NXPE4: variants seen among roughly 807,000 people sequenced by gnomAD.
The protein encoded by NXPE4 is NXPE family member 4.
NXPE4 carries 42 observed loss-of-function variants against 33.3 expected under a neutral mutation model. That is an observed-to-expected ratio of 1.26 (90% CI 0.98 to 1.63). The LOEUF (loss-of-function observed/expected upper bound fraction) is 1.63, where lower values mean the gene tolerates loss of function less well. Ranked by LOEUF, NXPE4 falls within the 40% of genes most tolerant of loss-of-function variation. NXPE4 has a pLI of 0.00. For missense variants in NXPE4, 709 were observed against 647.6 expected (o/e 1.09, Z -1.03); for synonymous variants, 253 against 234.9 (o/e 1.08, Z -0.71).
At chr11:114,575,925 G>T (rs1223668595) in intron 5 of NXPE4, among the ~76,000 whole-genome samples, 3 of 152,054 alleles carry the variant, frequency 2.0e-5, no homozygotes, top group African/African-American at 7.2e-5. Flanking sequence ...AAATCTGGAG[G>T]CATAACATTA....
the NXPE4 span, among the ~76,000 whole-genome samples, chr11:114,607,900 C>T: frequency 0.049 from 7,404 of 151,982 alleles, 596 homozygotes; most frequent in African/African-American, 0.17. Flanking sequence ...TCGTGGGTAA[C>T]CACAGTTACC....
upstream of NXPE4, among the ~76,000 whole-genome samples, chr11:114,598,668 T>C (rs1427179311): frequency 2.0e-5 from 3 of 152,058 alleles, no homozygotes; most frequent in Non-Finnish European, 1.5e-5. Context: ...CCTGGGCCTC[T>C]TTGAGCCATG....
the NXPE4 span, among the ~76,000 whole-genome samples, chr11:114,633,959 G>A: frequency 3.3e-5 from 5 of 152,050 alleles, no homozygotes; most frequent in South Asian, 2.1e-4. Context: ...ATGATTTATA[G>A]CCCTTTGGGT....
At chr11:114,621,694 C>G in the NXPE4 span, among the ~76,000 whole-genome samples, 12 of 152,240 alleles carry the variant, frequency 7.9e-5, no homozygotes, top group East Asian at 2.3e-3. Flanking sequence ...CATTGGTAAC[C>G]ACTGTTACTC....
chr11:114,628,938 C>T, the NXPE4 span, among the ~76,000 whole-genome samples: 2 of 152,098 alleles, frequency 1.3e-5, no homozygotes, highest in Non-Finnish European at 2.9e-5. Context: ...TGGATAAATT[C>T]CTCGACACAT....
At chr11:114,601,787 A>T in the NXPE4 span, among the ~76,000 whole-genome samples, 4 of 71,792 alleles carry the variant, frequency 5.6e-5, no homozygotes, top group Non-Finnish European at 7.0e-5. Context: ...ATTATATAAC[A>T]TGTGATATAT....
At chr11:114,629,808 G>A in the NXPE4 span, among the ~76,000 whole-genome samples, 1 of 150,690 alleles carries the variant, frequency 6.6e-6, no homozygotes, top group African/African-American at 2.4e-5. Context: ...AAGCTGATAA[G>A]CAACTTCAGC....
chr11:114,653,536 T>C, the NXPE4 span, among the ~76,000 whole-genome samples: 1 of 141,876 alleles, frequency 7.0e-6, no homozygotes, highest in Non-Finnish European at 1.6e-5. Flanking sequence ...GCTTTCCCTT[T>C]TTTTTTTTTT....
At chr11:114,662,153 C>T in the NXPE4 span, among the ~76,000 whole-genome samples, 32 of 152,302 alleles carry the variant, frequency 2.1e-4, no homozygotes, top group African/African-American at 7.7e-4. Context: ...AAAAAGCAAT[C>T]TTGAATTGCC....
the NXPE4 span, among the ~76,000 whole-genome samples, chr11:114,610,898 C>G: frequency 6.6e-6 from 1 of 151,822 alleles, no homozygotes; most frequent in African/African-American, 2.4e-5. Context: ...CATGGGTAAT[C>G]AATGGTACCT....
chr11:114,667,838 C>T, the NXPE4 span, among the ~76,000 whole-genome samples: 1 of 152,246 alleles, frequency 6.6e-6, no homozygotes. Context: ...CATTAGAGAT[C>T]TTGAGGCAGA....
chr11:114,620,958 TAA>T, the NXPE4 span, among the ~76,000 whole-genome samples: 37 of 152,268 alleles, frequency 2.4e-4, no homozygotes, highest in African/African-American at 8.7e-4. Context: ...TGTTGGATAA[TAA>T]GTGTTCCCTC....
chr11:114,576,407 A>G (rs572048430), intron 5 of NXPE4, among the ~76,000 whole-genome samples: 95 of 152,356 alleles, frequency 6.2e-4, no homozygotes, highest in Non-Finnish European at 1.2e-3. Context: ...AGCAGAGTTA[A>G]CAGACAACTC....
the NXPE4 span, among the ~76,000 whole-genome samples, chr11:114,612,213 G>A: frequency 6.6e-6 from 1 of 151,918 alleles, no homozygotes; most frequent in Non-Finnish European, 1.5e-5. Context: ...TGGAGAATAA[G>A]TGTTGCCTCT....
the NXPE4 span, among the ~76,000 whole-genome samples, chr11:114,618,585 T>A: frequency 4.0e-5 from 6 of 151,850 alleles, no homozygotes; most frequent in Admixed American, 2.0e-4. Context: ...GCCTCGTGGG[T>A]AACAACTGTT....
Position 114,571,416 on chromosome 11 carries a change from T to C in NXPE4, c.1157A>G (p.Asp386Gly), listed in dbSNP as rs1401433664. 1.9e-6 allele frequency: 3 copies of C among 1,612,702 alleles called. No individual in the cohort carries two copies. Among genetic ancestry groups the C allele is most frequent in the Admixed American group, 3.3e-5 (2 of 59,974 alleles). Residue 386 changes from aspartate to glycine, a missense_variant, in exon 6 of 6, where the codon GAT (aspartate) becomes GGT (glycine). Transcript: ENST00000375478. ...SGKLQHQLAV[D>G]LDRNINIQWQ... ...CTGGATGTTGATGTTCCTATCCAAATCCACAGCAAGCTGGTGTTGCAATTT... is the reference window on the plus strand; with the variant it reads ...CTGGATGTTGATGTTCCTATCCAAACCCACAGCAAGCTGGTGTTGCAATTT...
In NXPE4 at chr11:114,581,779, C is replaced by T; in HGVS notation, c.838G>A (p.Val280Met). The change falls in exon 4 of 6, where the codon GTG becomes ATG. Residue 280 changes from valine to methionine, a missense_variant. By Grantham distance (21) the Val-to-Met change is conservative. Coordinates refer to ENST00000375478, the MANE Select transcript of NXPE4 (RefSeq NM_001077639.2). ...QEKSLFERSN[V>M]GVEIMEKFNT... The stretch of plus-strand genomic sequence containing the variant: ...AATTTTTCCATAATCTCTACACCCA[C>T]ATTTGACCTTAAAGACACAAATACA... The T allele has an allele frequency of 6.2e-7, 1 of 1,608,122 alleles. No individual in the cohort carries two copies. The highest frequency in any genetic ancestry group is 8.5e-7 in the Non-Finnish European group (1 of 1,176,884).
chr11:114,613,006 G>A, the NXPE4 span, among the ~76,000 whole-genome samples: 1 of 151,942 alleles, frequency 6.6e-6, no homozygotes, highest in African/African-American at 2.4e-5. Context: ...TGGATAATTA[G>A]TGTTGCCTCT....
At chr11:114,664,791 C>A in the NXPE4 span, among the ~76,000 whole-genome samples, 1 of 152,138 alleles carries the variant, frequency 6.6e-6, no homozygotes, top group African/African-American at 2.4e-5. Flanking sequence ...TCTTGGGAGG[C>A]AGGGCAGCGG....
Sources: gnomAD v4.1 joint callset for allele counts (sites outside exome capture counted in the v4.1 genomes callset) on GRCh38, gnomAD v4.1.1 for gene constraint, MANE v1.5 for transcripts, NCBI Gene and HGNC (gene_info 2026-07-23, HGNC 2026-07-21) for gene names.